Variants in GRK4 observed in about 807,000 individuals in gnomAD.
GRK4 encodes G protein-coupled receptor kinase 4.
A neutral mutation model predicts 77.9 loss-of-function variants in GRK4; 73 were observed. The observed-to-expected ratio is 0.94, with a 90% CI of 0.78 to 1.14. The LOEUF (loss-of-function observed/expected upper bound fraction) is 1.14. GRK4 is among the 50% of genes most tolerant of loss of function. The pLI is 0.00. For missense variants in GRK4, 729 were observed against 700.2 expected (o/e 1.04, Z -0.46); for synonymous variants, 257 against 254.4 (o/e 1.01, Z -0.10).
intron 3 of GRK4, among the ~76,000 whole-genome samples, chr4:2,990,703 C>T (rs1465888092): frequency 1.3e-5 from 2 of 152,162 alleles, no homozygotes; most frequent in East Asian, 1.9e-4. Flanking sequence ...ACTGTTCTTC[C>T]TTACGTTAAA....
chr4:2,992,258 G>C lies in GRK4; in HGVS notation c.305G>C (p.Gly102Ala), dbSNP rs766075113. The C allele has an allele frequency of 6.8e-6, 11 of 1,608,714 alleles. No individual in the cohort carries two copies. The highest frequency in any genetic ancestry group is 9.4e-6 in the Non-Finnish European group (11 of 1,175,382). Residue 102 changes from glycine (G) to alanine (A), a missense_variant, in exon 4 of 16, where the codon GGA becomes GCA. Coordinates refer to ENST00000398052, the MANE Select transcript of GRK4 (RefSeq NM_182982.3). Reference protein sequence around the residue: ...VADDEDRSDCGLSILDRFFND... With the variant: ...VADDEDRSDCALSILDRFFND... ...GATGATGAGGACCGAAGTGATTGTG[G>C]ACTGTCAATCTTAGATAGATTCTTC... is the stretch of plus-strand genomic sequence containing the variant.
At chr4:3,037,296 G>A in intron 13 of GRK4, 78 bp from the exon 14 acceptor site, 1 of 1,391,722 alleles carries the variant, frequency 7.2e-7, no homozygotes, top group Non-Finnish European at 9.8e-7. Flanking sequence ...AGTTTGCTGG[G>A]CGTTTCATTC....
Position 3,015,277 on chromosome 4 carries a change from G to T in GRK4, c.741+1449G>T, listed in dbSNP as rs543457739. Reference sequence around the variant, plus strand: ...TGAACGAGAATTTATAAAATGATTTGTAGTGTTAGAGCTATTTCCTCCAAG... The same window carrying T: ...TGAACGAGAATTTATAAAATGATTTTTAGTGTTAGAGCTATTTCCTCCAAG... On this transcript the variant is annotated intron_variant, in intron 8 of 15. Coordinates refer to ENST00000398052, the MANE Select transcript of GRK4 (RefSeq NM_182982.3). Among the ~76,000 whole-genome samples, 127 of 152,314 alleles carry T rather than the reference G, an allele frequency of 8.3e-4. 2 individuals are homozygous for T. Among genetic ancestry groups the T allele is most frequent in the Admixed American group, 2.6e-3 (40 of 15,306 alleles).
At chr4:2,972,570 A>G (rs536477601) in intron 1 of GRK4, among the ~76,000 whole-genome samples, 4 of 151,340 alleles carry the variant, frequency 2.6e-5, no homozygotes, top group Non-Finnish European at 4.4e-5. Context: ...TTAACCTGTG[A>G]CACTCTGTCC....
intron 12 of GRK4, among the ~76,000 whole-genome samples, chr4:3,031,216 G>C (rs1739078055): frequency 6.6e-6 from 1 of 152,162 alleles, no homozygotes; most frequent in South Asian, 2.1e-4. Flanking sequence ...CAGAGTCTGT[G>C]GCCAGTGCAG....
At chr4:2,988,075 C>CGAAAAAAAAAAAAAAAAAAAAA (rs1724926160) in intron 2 of GRK4, among the ~76,000 whole-genome samples, 1 of 33,656 alleles carries the variant, frequency 3.0e-5, no homozygotes, top group African/African-American at 1.2e-4. Flanking sequence ...GGCTCTGTCT[C>CGAAAAAAAAAAAAAAAAAAAAA]AAAAAAAAAA....
At chr4:3,010,065 A>G (rs1013979587) in intron 7 of GRK4, among the ~76,000 whole-genome samples, 4 of 152,200 alleles carry the variant, frequency 2.6e-5, no homozygotes, top group South Asian at 2.1e-4. Flanking sequence ...CCAAATTCAC[A>G]TAGTACAGAG....
Position 2,987,166 on chromosome 4 carries a change from T to C in GRK4, c.149-1561T>C, listed in dbSNP as rs767561039. 5.8e-6 allele frequency: 3 copies of C among 517,488 alleles called. No individual in the cohort carries two copies. In the Admixed American group the frequency reaches 5.9e-5, roughly 10 times the overall value. 32.1% of individuals were successfully genotyped at this position (517,488 alleles called of 1,614,324 possible). A position where few individuals can be genotyped will look rare whatever the true frequency, so the allele number is the denominator to read the frequency against. ...GACAACTACAAATCCACTTTCTGTCTATGTCTTTGCCTGTTCCAGACATTT... is the reference window on the plus strand; with the variant it reads ...GACAACTACAAATCCACTTTCTGTCCATGTCTTTGCCTGTTCCAGACATTT... On this transcript the variant is annotated intron_variant, in intron 2 of 15. Coordinates refer to ENST00000398052, the MANE Select transcript of GRK4 (RefSeq NM_182982.3).
At chr4:2,992,084 C>A in intron 3 of GRK4, 131 bp from the exon 4 acceptor site, 1 of 512,952 alleles carries the variant, frequency 1.9e-6, no homozygotes, top group Admixed American at 3.0e-5. Flanking sequence ...CGCTATGTTG[C>A]TCAGGCTGGC....
intron 8 of GRK4, among the ~76,000 whole-genome samples, chr4:3,014,296 CTT>C (rs60684225): frequency 3.2e-4 from 38 of 118,934 alleles, no homozygotes; most frequent in Admixed American, 4.6e-4. Context: ...CTCTCTCTCT[CTT>C]TTTTTTTTTT....
At chr4:3,019,860 G>A (rs777672543) in intron 9 of GRK4, 29 bp downstream of exon 9, 1 of 1,577,580 alleles carries the variant, frequency 6.3e-7, no homozygotes, top group South Asian at 1.2e-5. Flanking sequence ...AATGGAGCCT[G>A]CAAGTCTTGG....
rs1333106254 is a variant in GRK4 at position 2,984,493 on chromosome 4, C to T, written c.53-20C>T. 6.7e-7 allele frequency: 1 copy of T among 1,500,060 alleles called. No homozygotes were observed. The highest frequency in any genetic ancestry group is 9.3e-7 in the Non-Finnish European group (1 of 1,078,336). 92.9% of individuals were successfully genotyped at this position (1,500,060 alleles called of 1,614,324 possible). ...ATTTCTGACTGTTAAAGGAAATTGC[C>T]TTTTTTCTCCCAAATTCAGGAGGAT... On this transcript the variant is annotated intron_variant, in intron 1 of 15. Coordinates refer to ENST00000398052, the MANE Select transcript of GRK4 (RefSeq NM_182982.3).
chr4:2,967,924 G>A (rs2109371131), intron 1 of GRK4, among the ~76,000 whole-genome samples: 1 of 152,134 alleles, frequency 6.6e-6, no homozygotes, highest in South Asian at 2.1e-4. Flanking sequence ...CCGAGTAGCT[G>A]GGATTACAGG....
chr4:2,974,705 A>G (rs1720580179), intron 1 of GRK4, among the ~76,000 whole-genome samples: 1 of 152,170 alleles, frequency 6.6e-6, no homozygotes, highest in Non-Finnish European at 1.5e-5. Flanking sequence ...TTTTGGGGAA[A>G]CAGTTGGTGT....
intron 10 of GRK4, among the ~76,000 whole-genome samples, chr4:3,025,833 C>A (rs1421152900): frequency 6.6e-6 from 1 of 152,172 alleles, no homozygotes; most frequent in Non-Finnish European, 1.5e-5. Context: ...ATATTTCATT[C>A]CTTCATTTAC....
chr4:3,016,475 G>T (rs561527657), intron 8 of GRK4, among the ~76,000 whole-genome samples: 2 of 149,740 alleles, frequency 1.3e-5, no homozygotes, highest in South Asian at 4.2e-4. Flanking sequence ...CCCAGATTGC[G>T]CCATTGTACT....
At chr4:3,020,831 A>T (rs989159325) in intron 9 of GRK4, among the ~76,000 whole-genome samples, 1 of 152,190 alleles carries the variant, frequency 6.6e-6, no homozygotes, top group Non-Finnish European at 1.5e-5. Flanking sequence ...AAAAAAAAGG[A>T]TGCTTGCGTC....
intron 13 of GRK4, 95 bp from the exon 14 acceptor site, chr4:3,037,279 A>G: frequency 8.1e-7 from 1 of 1,237,822 alleles, no homozygotes; most frequent in Non-Finnish European, 1.1e-6. Context: ...GGCGGTGTTT[A>G]TGCGTCAGTT....
At chr4:2,980,133 G>T (rs1722453800) in intron 1 of GRK4, among the ~76,000 whole-genome samples, 1 of 152,180 alleles carries the variant, frequency 6.6e-6, no homozygotes, top group Non-Finnish European at 1.5e-5. Context: ...CCTCCACAGG[G>T]TACCCAGAGC....
Sources: allele counts gnomAD v4.1 joint callset (sites outside exome capture counted in the v4.1 genomes callset), GRCh38; gene constraint gnomAD v4.1.1; transcripts MANE v1.5; gene names NCBI Gene and HGNC (gene_info 2026-07-23, HGNC 2026-07-21).